The following STXBP5L variants were observed in gnomAD, a reference collection of about 807,000 sequenced individuals.
STXBP5L encodes syntaxin binding protein 5L.
In STXBP5L, 65 loss-of-function variants were observed where a neutral mutation model predicts 144.5. The ratio of observed to expected loss-of-function variants is 0.45; its 90% CI spans 0.37 to 0.55. The LOEUF is 0.55. STXBP5L is among the 20% of genes least tolerant of loss of function. The probability of loss-of-function intolerance (pLI) is 0.00; values close to 1 mark genes in which losing one functional copy is unlikely to be tolerated. For missense variants in STXBP5L, 1,298 were observed against 1,405.5 expected (o/e 0.92, Z 1.22); for synonymous variants, 505 against 469.6 (o/e 1.08, Z -0.97).
intron 3 of STXBP5L, among the ~76,000 whole-genome samples, chr3:121,011,940 G>T (rs1461997847): frequency 6.6e-6 from 1 of 151,646 alleles, no homozygotes; most frequent in East Asian, 1.9e-4. Context: ...AAGAAACTCT[G>T]TACCTATTAG....
chr3:121,418,377 G>C lies in STXBP5L; in HGVS notation c.3267G>C (p.Ala1089=), dbSNP rs150797963. The C allele has an allele frequency of 1.9e-6, 3 of 1,613,976 alleles. No homozygotes were observed. ...ASAGKASRSL[A]QHIPGPGSIE... ...CAGGAAAAGCATCCCGCAGCCTTGC[G>C]CAACACATTCCTGGACCAGGTAGTA... Residue 1089 remains alanine, a synonymous_variant, in exon 26 of 27, where the codon GCG becomes GCC. Coordinates refer to ENST00000471454, the MANE Select transcript of STXBP5L (RefSeq NM_001308330.2).
At chr3:121,224,290 T>A (rs969091826) in intron 11 of STXBP5L, among the ~76,000 whole-genome samples, 1 of 152,206 alleles carries the variant, frequency 6.6e-6, no homozygotes, top group African/African-American at 2.4e-5. Context: ...GTTCCACTAT[T>A]ATATGTATTA....
intron 5 of STXBP5L, among the ~76,000 whole-genome samples, chr3:121,069,805 T>G (rs2107657172): frequency 6.6e-6 from 1 of 152,338 alleles, no homozygotes; most frequent in South Asian, 2.1e-4. Flanking sequence ...TTGTTTTTTC[T>G]TCTACTATGG....
chr3:121,039,145 G>T lies in STXBP5L; in HGVS notation c.288-2555G>T, dbSNP rs1012161316. Among the ~76,000 whole-genome samples the T allele has an allele frequency of 2.0e-5, 3 of 151,500 alleles. No individual in the cohort carries two copies. In the Admixed American group the frequency reaches 2.0e-4, roughly 10 times the overall value. ...GTATAAATCTACCATCTTGCTCTTT[G>T]TTTTCTATTTATCTTACTAGTTCTT... is the stretch of plus-strand genomic sequence containing the variant. On this transcript the variant is annotated intron_variant, in intron 3 of 26. Transcript: ENST00000471454.
At chr3:121,001,393 C>G (rs1159932344) in intron 3 of STXBP5L, among the ~76,000 whole-genome samples, 1 of 152,178 alleles carries the variant, frequency 6.6e-6, no homozygotes, top group Non-Finnish European at 1.5e-5. Flanking sequence ...CTGGTCACAT[C>G]CCACAGGCAC....
intron 20 of STXBP5L, among the ~76,000 whole-genome samples, chr3:121,371,136 T>A (rs2046017033): frequency 6.6e-6 from 1 of 152,224 alleles, no homozygotes; most frequent in Non-Finnish European, 1.5e-5. Flanking sequence ...CTTTATGGGC[T>A]GATGTTCTTG....
chr3:121,337,087 G>T (rs1191581437), intron 20 of STXBP5L, among the ~76,000 whole-genome samples: 1 of 152,062 alleles, frequency 6.6e-6, no homozygotes, highest in African/African-American at 2.4e-5. Context: ...AGACACTGGG[G>T]TCTACTTGAG....
chr3:121,387,928 A>G (rs1343846444), intron 22 of STXBP5L, among the ~76,000 whole-genome samples: 1 of 152,122 alleles, frequency 6.6e-6, no homozygotes, highest in African/African-American at 2.4e-5. Flanking sequence ...GTTTTTTCCA[A>G]TTCTGTGAAG....
At chr3:121,142,523 C>T (rs138664203) in intron 7 of STXBP5L, among the ~76,000 whole-genome samples, 27 of 151,918 alleles carry the variant, frequency 1.8e-4, no homozygotes, top group African/African-American at 6.3e-4. Flanking sequence ...AACCTTAATA[C>T]ATTTAAGAAG....
At chr3:121,376,310 C>G (rs2046182079) in intron 20 of STXBP5L, among the ~76,000 whole-genome samples, 1 of 152,120 alleles carries the variant, frequency 6.6e-6, no homozygotes, top group African/African-American at 2.4e-5. Context: ...TCTTATGTAC[C>G]CTTCTTAACT....
At chr3:121,114,366 A>G (rs1435892427) in intron 5 of STXBP5L, among the ~76,000 whole-genome samples, 2 of 152,096 alleles carry the variant, frequency 1.3e-5, no homozygotes, top group Non-Finnish European at 2.9e-5. Flanking sequence ...ATAATTTATC[A>G]TCTCATGTAG....
chr3:120,953,215 AT>A (rs1454371931), intron 2 of STXBP5L, among the ~76,000 whole-genome samples: 19 of 152,120 alleles, frequency 1.2e-4, no homozygotes, highest in Non-Finnish European at 1.8e-4. Flanking sequence ...ATGATATGAA[AT>A]ATAAACTTGG....
intron 15 of STXBP5L, among the ~76,000 whole-genome samples, chr3:121,253,828 T>G (rs168118): frequency 6.4e-5 from 9 of 140,212 alleles, no homozygotes; most frequent in Non-Finnish European, 1.1e-4. Context: ...TTTTTTTTTG[T>G]ATTTTTAGTA....
In STXBP5L at chr3:121,102,321, A is replaced by G. The variant is rs185596113; in HGVS notation, c.471-12604A>G. Among the ~76,000 whole-genome samples, 8 of 152,222 alleles carry G rather than the reference A, an allele frequency of 5.3e-5. No homozygotes were observed. The East Asian group carries it at 1.5e-3, about 29-fold the overall frequency. ...ACCTGATTCAAACTATACTACTGTA[A>G]GTGTACAGTAACCAAAAGAGCATCA... On this transcript the variant is annotated intron_variant, in intron 5 of 26. Transcript: ENST00000471454.
intron 9 of STXBP5L, among the ~76,000 whole-genome samples, chr3:121,178,498 C>T (rs1235041476): frequency 6.6e-6 from 1 of 152,056 alleles, no homozygotes. Flanking sequence ...TTTGATGACA[C>T]TGAAGTACAA....
intron 14 of STXBP5L, among the ~76,000 whole-genome samples, chr3:121,242,388 G>A (rs1241021574): frequency 1.3e-5 from 2 of 152,030 alleles, no homozygotes; most frequent in Non-Finnish European, 2.9e-5. Context: ...AAATAAGAGA[G>A]GGTAAAAGGA....
intron 22 of STXBP5L, among the ~76,000 whole-genome samples, chr3:121,385,275 C>A (rs2046402619): frequency 6.6e-6 from 1 of 152,078 alleles, no homozygotes; most frequent in African/African-American, 2.4e-5. Context: ...CCTCAGGAAG[C>A]TTCCAGTCAT....
intron 5 of STXBP5L, among the ~76,000 whole-genome samples, chr3:121,067,436 T>A (rs1007073827): frequency 6.6e-6 from 1 of 152,098 alleles, no homozygotes; most frequent in Non-Finnish European, 1.5e-5. Context: ...AAGTTGAGAG[T>A]TTTCTATCTC....
At chr3:121,017,231 A>T (rs953760890) in intron 3 of STXBP5L, among the ~76,000 whole-genome samples, 5 of 152,176 alleles carry the variant, frequency 3.3e-5, no homozygotes, top group African/African-American at 4.8e-5. Flanking sequence ...CATTTGACAA[A>T]ATCTCACACC....
Sources: allele counts gnomAD v4.1 joint callset (sites outside exome capture counted in the v4.1 genomes callset), GRCh38; gene constraint gnomAD v4.1.1; transcripts MANE v1.5; gene names NCBI Gene and HGNC (gene_info 2026-07-23, HGNC 2026-07-21).